TMC2: variants seen among roughly 807,000 people sequenced by gnomAD.
TMC2 encodes transmembrane channel-like protein 2.
Under a neutral mutation model 105.9 loss-of-function variants are expected in TMC2, and 102 were observed. The observed-to-expected ratio is 0.96, with a 90% CI of 0.82 to 1.14. The LOEUF is 1.14. Among genes scored for constraint, TMC2 ranks in the 50% most tolerant of loss-of-function variants. The probability of loss-of-function intolerance (pLI) is 0.00; values close to 1 mark genes in which losing one functional copy is unlikely to be tolerated. For synonymous variants in TMC2, 402 were observed against 422.8 expected, an observed-to-expected ratio of 0.95 and a Z score of 0.60; for missense variants, 1,093 against 1,134.3, an observed-to-expected ratio of 0.96 and a Z score of 0.52.
intron 7 of TMC2, among the ~76,000 whole-genome samples, chr20:2,581,474 C>A (rs1021862556): frequency 6.6e-6 from 1 of 152,190 alleles, no homozygotes. Context: ...CACTGTCAAG[C>A]GTACACAAAC....
chr20:2,624,480 G>T (rs879933370), intron 17 of TMC2, 84 bp downstream of exon 17: 6 of 1,498,350 alleles, frequency 4.0e-6, no homozygotes, highest in African/African-American at 1.4e-5. Context: ...TTTTCATCTT[G>T]CCTTCTTAGT....
At chr20:2,634,611 G>C (rs1344938539) in intron 17 of TMC2, among the ~76,000 whole-genome samples, 1 of 152,166 alleles carries the variant, frequency 6.6e-6, no homozygotes, top group Non-Finnish European at 1.5e-5. Context: ...GCTAAATTTG[G>C]AAACAACCTT....
intron 7 of TMC2, among the ~76,000 whole-genome samples, chr20:2,590,976 G>A (rs1447447742): frequency 1.3e-5 from 2 of 151,878 alleles, no homozygotes; most frequent in East Asian, 1.9e-4. Flanking sequence ...AAGAATTACT[G>A]GACAAAAATA....
At chr20:2,570,491 G>T (rs1263489744) in intron 4 of TMC2, among the ~76,000 whole-genome samples, 2 of 151,902 alleles carry the variant, frequency 1.3e-5, no homozygotes, top group Non-Finnish European at 2.9e-5. Flanking sequence ...ACAATACAAT[G>T]ACTAAAGAAA....
At chr20:2,606,124 A>G (rs2086389655) in intron 11 of TMC2, among the ~76,000 whole-genome samples, 1 of 152,360 alleles carries the variant, frequency 6.6e-6, no homozygotes, top group Non-Finnish European at 1.5e-5. Flanking sequence ...AAAACAAGGC[A>G]AAATGATAGA....
chr20:2,561,802 G>A, intron 3 of TMC2, 56 bp from the exon 4 acceptor site: 5 of 1,577,522 alleles, frequency 3.2e-6, no homozygotes, highest in Non-Finnish European at 4.3e-6. Context: ...CACAGCACCT[G>A]AGGACACCAC....
intron 11 of TMC2, among the ~76,000 whole-genome samples, chr20:2,603,056 G>C (rs1011490362): frequency 6.6e-6 from 1 of 152,290 alleles, no homozygotes; most frequent in South Asian, 2.1e-4. Context: ...GGAACCCTGA[G>C]ACCTTCGTCA....
chr20:2,540,969 C>T (rs1417168057), intron 2 of TMC2, among the ~76,000 whole-genome samples: 11 of 152,074 alleles, frequency 7.2e-5, no homozygotes, highest in Non-Finnish European at 1.6e-4. Flanking sequence ...ACACCCGGGA[C>T]GCAGCTCTGC....
At chr20:2,587,610 T>C (rs933726578) in intron 7 of TMC2, among the ~76,000 whole-genome samples, 1 of 152,158 alleles carries the variant, frequency 6.6e-6, no homozygotes, top group African/African-American at 2.4e-5. Context: ...AATGTACTTC[T>C]TTTAATTGAC....
chr20:2,612,149 C>T, intron 12 of TMC2, 42 bp from the exon 13 acceptor site: 1 of 1,555,104 alleles, frequency 6.4e-7, no homozygotes, highest in Non-Finnish European at 8.8e-7. Flanking sequence ...GTTGGACCAT[C>T]CCTAGCTCCT....
chr20:2,625,991 T>C (rs73572292), intron 17 of TMC2, among the ~76,000 whole-genome samples: 1,983 of 152,304 alleles, frequency 0.013, 26 homozygotes, highest in Middle Eastern at 0.054. Context: ...TCATTTGTTT[T>C]CCTCTTGTTT....
At chr20:2,618,176 C>A (rs1191978459) in intron 16 of TMC2, 2 of 152,540 alleles carry the variant, frequency 1.3e-5, no homozygotes, top group African/African-American at 4.8e-5. Context: ...TCCTCTCTAT[C>A]CTTCCCAACC....
At chr20:2,594,711 G>A in intron 8 of TMC2, 114 bp from the exon 9 acceptor site, 5 of 1,127,846 alleles carry the variant, frequency 4.4e-6, no homozygotes, top group Non-Finnish European at 6.4e-6. Flanking sequence ...TCTTCCTTCG[G>A]CCCTTAGATT....
chr20:2,571,473 T>A lies in TMC2; in HGVS notation c.555-706T>A, dbSNP rs113527071. Among the ~76,000 whole-genome samples the A allele has an allele frequency of 2.7e-3, 413 of 152,292 alleles. 3 individuals carry two copies. The highest frequency in any genetic ancestry group is 8.1e-3 in the African/African-American group (336 of 41,566). ...ACACACCATCTTCCACCAGTCAGAA[T>A]GGCTATTATTAAAAAGTCAAAACCT... On this transcript the variant is annotated intron_variant, in intron 4 of 19. Coordinates refer to ENST00000358864, the MANE Select transcript of TMC2 (RefSeq NM_080751.3).
At chr20:2,636,459 T>TACAC (rs3051763) in intron 18 of TMC2, among the ~76,000 whole-genome samples, 35,236 of 143,362 alleles carry the variant, frequency 0.25, 4,429 homozygotes, top group East Asian at 0.45. Context: ...GACTGCTGTC[T>TACAC]ACACACACAC....
intron 11 of TMC2, among the ~76,000 whole-genome samples, chr20:2,608,337 TTATTA>T (rs2086410067): frequency 7.1e-6 from 1 of 141,396 alleles, no homozygotes; most frequent in Non-Finnish European, 1.5e-5. Context: ...ATTATTATTA[TTATTA>T]TTTGAGATGA....
At chr20:2,571,829 A>G (rs533357342) in intron 4 of TMC2, among the ~76,000 whole-genome samples, 24 of 152,210 alleles carry the variant, frequency 1.6e-4, no homozygotes, top group Admixed American at 6.5e-4. Context: ...GTGAGACCCT[A>G]TCTCTAAAAA....
chr20:2,627,110 G>A lies in TMC2; in HGVS notation c.2306+2714G>A, dbSNP rs148489401. Among the ~76,000 whole-genome samples, 449 of 152,200 alleles carry A rather than the reference G, an allele frequency of 3.0e-3. 2 individuals carry two copies. In the Middle Eastern group the frequency reaches 0.037, roughly 13 times the overall value. Reference sequence around the variant, plus strand: ...GCCCTCAGCATTCCTTCTGGGTGCCGACATAGTTGTCAGCTTGCCAACATC... The same window carrying A: ...GCCCTCAGCATTCCTTCTGGGTGCCAACATAGTTGTCAGCTTGCCAACATC... On this transcript the variant is annotated intron_variant, in intron 17 of 19. Transcript: ENST00000358864.
chr20:2,599,876 G>A (rs2086338480), intron 10 of TMC2, among the ~76,000 whole-genome samples: 1 of 152,138 alleles, frequency 6.6e-6, no homozygotes, highest in African/African-American at 2.4e-5. Context: ...CCCCTCTCTT[G>A]AATTCCTTCC....
Sources: gnomAD v4.1 joint callset for allele counts (sites outside exome capture counted in the v4.1 genomes callset) on GRCh38, gnomAD v4.1.1 for gene constraint, MANE v1.5 for transcripts, NCBI Gene and HGNC (gene_info 2026-07-23, HGNC 2026-07-21) for gene names.